Variants in DPP10 observed in about 807,000 individuals in gnomAD.
DPP10 encodes inactive dipeptidyl peptidase 10.
A neutral mutation model predicts 120.9 loss-of-function variants in DPP10; 33 were observed. The observed-to-expected ratio is 0.27, with a 90% CI of 0.21 to 0.37. The LOEUF is 0.37. Ranked by LOEUF, DPP10 falls within the 10% of genes least tolerant of loss-of-function variation. DPP10 has a pLI of 1.00. For synonymous variants in DPP10, 337 were observed against 326.1 expected, an observed-to-expected ratio of 1.03 and a Z score of -0.36; for missense variants, 816 against 942.8, an observed-to-expected ratio of 0.87 and a Z score of 1.76.
At chr2:115,059,607 T>A (rs1706229988) in intron 1 of DPP10, among the ~76,000 whole-genome samples, 1 of 151,212 alleles carries the variant, frequency 6.6e-6, no homozygotes, top group Admixed American at 6.6e-5. Context: ...TAACCTCAGT[T>A]TTTATTGAGA....
rs566112408 is a variant in DPP10 at position 115,698,646 on chromosome 2, T to C, written c.576+8725T>C. Among the ~76,000 whole-genome samples the C allele has an allele frequency of 2.6e-5, 4 of 152,328 alleles. No homozygotes were observed. The South Asian group carries it at 8.3e-4, about 32-fold the overall frequency. On this transcript the variant is annotated intron_variant, in intron 7 of 25. Coordinates refer to ENST00000410059, the MANE Select transcript of DPP10 (RefSeq NM_020868.6). Reference sequence around the variant, plus strand: ...CTGTGCATACTCAAAGGAAAAGTCATGTGAGGGCAAAGCTGCCATCTGTAA... The same window carrying C: ...CTGTGCATACTCAAAGGAAAAGTCACGTGAGGGCAAAGCTGCCATCTGTAA...
chr2:115,774,577 C>T (rs1681872308), intron 13 of DPP10, among the ~76,000 whole-genome samples: 1 of 152,062 alleles, frequency 6.6e-6, no homozygotes, highest in South Asian at 2.1e-4. Context: ...TGTCTTTGCA[C>T]TTATACCTCT....
At chr2:114,984,401 C>T (rs1423465286) in intron 1 of DPP10, among the ~76,000 whole-genome samples, 1 of 151,558 alleles carries the variant, frequency 6.6e-6, no homozygotes, top group Non-Finnish European at 1.5e-5. Flanking sequence ...CTCAAGGTAA[C>T]TGCAGTTTGT....
chr2:115,434,259 T>C (rs1474429658), intron 3 of DPP10, among the ~76,000 whole-genome samples: 3 of 152,050 alleles, frequency 2.0e-5, no homozygotes, highest in African/African-American at 7.2e-5. Flanking sequence ...GAGAATTTGA[T>C]AAATTAGTTC....
At chr2:115,539,395 G>GT (rs2079051647) in intron 5 of DPP10, among the ~76,000 whole-genome samples, 1 of 151,796 alleles carries the variant, frequency 6.6e-6, no homozygotes, top group Non-Finnish European at 1.5e-5. Context: ...CTTAACACTT[G>GT]TTTTTTCACT....
intron 5 of DPP10, among the ~76,000 whole-genome samples, chr2:115,557,053 A>G (rs2080258806): frequency 6.6e-6 from 1 of 152,188 alleles, no homozygotes; most frequent in Non-Finnish European, 1.5e-5. Flanking sequence ...GAAATACAAT[A>G]GTTTTGCATT....
At chr2:115,672,642 TTC>T (rs1239371566) in intron 5 of DPP10, among the ~76,000 whole-genome samples, 2 of 142,552 alleles carry the variant, frequency 1.4e-5, no homozygotes, top group African/African-American at 5.3e-5. Flanking sequence ...CTTTCTTTCT[TTC>T]TCTCTCTCTT....
intron 1 of DPP10, among the ~76,000 whole-genome samples, chr2:115,154,022 CA>C (rs1470237010): frequency 2.6e-5 from 4 of 152,222 alleles, no homozygotes; most frequent in Admixed American, 1.3e-4. Flanking sequence ...AATATGTGTG[CA>C]GAGGATGTAA....
chr2:114,492,384 C>A (rs538422181), intron 1 of DPP10, among the ~76,000 whole-genome samples: 6 of 151,978 alleles, frequency 3.9e-5, no homozygotes, highest in African/African-American at 1.2e-4. Flanking sequence ...ATCAACTAAC[C>A]AAACTATCTT....
intron 1 of DPP10, among the ~76,000 whole-genome samples, chr2:114,578,740 A>T (rs1453987957): frequency 6.6e-6 from 1 of 151,950 alleles, no homozygotes; most frequent in Non-Finnish European, 1.5e-5. Context: ...ATGATCTCTG[A>T]CTCTATTTCT....
At chr2:115,841,768 A>G (rs1467343377) in intron 25 of DPP10, among the ~76,000 whole-genome samples, 2 of 152,224 alleles carry the variant, frequency 1.3e-5, no homozygotes, top group East Asian at 3.8e-4. Context: ...GCACCAGACA[A>G]TGTTAAAGAG....
At chr2:115,463,685 A>G (rs1345663103) in intron 3 of DPP10, among the ~76,000 whole-genome samples, 3 of 152,220 alleles carry the variant, frequency 2.0e-5, no homozygotes, top group Admixed American at 1.3e-4. Flanking sequence ...CTAATCTCAC[A>G]TTAGTCTATA....
chr2:114,821,182 C>T (rs1027489616), intron 1 of DPP10, among the ~76,000 whole-genome samples: 1 of 152,124 alleles, frequency 6.6e-6, no homozygotes. Flanking sequence ...CCAGGTATGT[C>T]GTTCACATAG....
chr2:115,096,577 A>T (rs1246792975), intron 1 of DPP10, among the ~76,000 whole-genome samples: 1 of 152,122 alleles, frequency 6.6e-6, no homozygotes, highest in Non-Finnish European at 1.5e-5. Context: ...ATACACACAG[A>T]TGCTCCTCAA....
chr2:114,949,674 TTC>T (rs1161733441), intron 1 of DPP10, among the ~76,000 whole-genome samples: 1 of 152,100 alleles, frequency 6.6e-6, no homozygotes, highest in East Asian at 1.9e-4. Context: ...TTACCCCAAA[TTC>T]TCTGTCTTGG....
At chr2:115,798,084 T>A (rs1684748093) in intron 19 of DPP10, among the ~76,000 whole-genome samples, 1 of 151,958 alleles carries the variant, frequency 6.6e-6, no homozygotes, top group African/African-American at 2.4e-5. Flanking sequence ...TGGTTTCATA[T>A]GAATGATATG....
chr2:114,954,139 G>A (rs1396072142), intron 1 of DPP10, among the ~76,000 whole-genome samples: 1 of 144,470 alleles, frequency 6.9e-6, no homozygotes, highest in Admixed American at 7.1e-5. Flanking sequence ...GGAGGGCAGT[G>A]GTGCTATCTC....
At chr2:115,696,460 A>C (rs1224908257) in intron 7 of DPP10, among the ~76,000 whole-genome samples, 1 of 152,190 alleles carries the variant, frequency 6.6e-6, no homozygotes, top group Admixed American at 6.5e-5. Context: ...AAAATTCTAA[A>C]AGAAAAACAA....
At chr2:115,692,820 T>A (rs1279136782) in intron 7 of DPP10, among the ~76,000 whole-genome samples, 1 of 152,160 alleles carries the variant, frequency 6.6e-6, no homozygotes, top group Non-Finnish European at 1.5e-5. Flanking sequence ...ATGATTTATA[T>A]CCTATTTTAT....
Sources: allele counts gnomAD v4.1 joint callset (sites outside exome capture counted in the v4.1 genomes callset), GRCh38; gene constraint gnomAD v4.1.1; transcripts MANE v1.5; gene names NCBI Gene and HGNC (gene_info 2026-07-23, HGNC 2026-07-21).